TPST1: variants seen among roughly 807,000 people sequenced by gnomAD.
TPST1 encodes tyrosylprotein sulfotransferase 1.
In TPST1, 20 loss-of-function variants were observed where a neutral mutation model predicts 34.8. The observed-to-expected ratio is 0.57, with a 90% CI of 0.40 to 0.84. The LOEUF is 0.84. Ranked by LOEUF, TPST1 falls within the 40% of genes least tolerant of loss-of-function variation. The probability of loss-of-function intolerance (pLI) is 0.00; values close to 1 mark genes in which losing one functional copy is unlikely to be tolerated. For synonymous variants in TPST1, 152 were observed against 159.4 expected (o/e 0.95, Z 0.35); for missense variants, 353 against 455.5 (o/e 0.78, Z 2.05).
At chr7:66,237,850 C>T (rs188469014) in intron 1 of TPST1, among the ~76,000 whole-genome samples, 28 of 152,206 alleles carry the variant, frequency 1.8e-4, no homozygotes, top group Admixed American at 1.5e-3. Context: ...GTCTTGTTCC[C>T]GGACCAAACT....
chr7:66,331,086 C>T (rs907098264), intron 3 of TPST1, among the ~76,000 whole-genome samples: 3 of 152,110 alleles, frequency 2.0e-5, no homozygotes, highest in Admixed American at 6.6e-5. Flanking sequence ...TGACTGTTGG[C>T]AGGCCTCAGG....
intron 1 of TPST1, among the ~76,000 whole-genome samples, chr7:66,228,424 A>T (rs1789709030): frequency 6.6e-6 from 1 of 152,218 alleles, no homozygotes; most frequent in South Asian, 2.1e-4. Flanking sequence ...AGTTAAGTGT[A>T]ATTTAAAATA....
chr7:66,310,938 A>G (rs2116118452), intron 3 of TPST1, among the ~76,000 whole-genome samples: 1 of 151,906 alleles, frequency 6.6e-6, no homozygotes, highest in South Asian at 2.1e-4. Flanking sequence ...TGATCCTCCC[A>G]CCTTGGCCTC....
intron 3 of TPST1, among the ~76,000 whole-genome samples, chr7:66,305,803 C>A (rs960412537): frequency 2.0e-5 from 3 of 152,092 alleles, no homozygotes; most frequent in Non-Finnish European, 2.9e-5. Flanking sequence ...AGGGCTATTT[C>A]GATTTTCTTG....
chr7:66,229,562 T>G (rs989236216), intron 1 of TPST1, among the ~76,000 whole-genome samples: 22 of 152,192 alleles, frequency 1.4e-4, no homozygotes, highest in Admixed American at 1.4e-3. Context: ...ATTTCCAGAT[T>G]TTGGTGATTA....
rs563173172 is a variant in TPST1 at position 66,283,096 on chromosome 7, C to G, written c.846-3415C>G. 6.6e-5 allele frequency among the ~76,000 whole-genome samples: 10 copies of G among 152,160 alleles called. No homozygotes were observed. The South Asian group carries it at 1.2e-3, about 19-fold the overall frequency. ...CCAGCCTGGCCAATGTGGCAAAACCCCACTAAAAATACAAAAATTAACTGG... is the reference window on the plus strand; with the variant it reads ...CCAGCCTGGCCAATGTGGCAAAACCGCACTAAAAATACAAAAATTAACTGG... On this transcript the variant is annotated intron_variant, in intron 2 of 5. Coordinates refer to ENST00000304842, the MANE Select transcript of TPST1 (RefSeq NM_003596.4).
At chr7:66,260,120 A>C (rs1031798507) in intron 2 of TPST1, among the ~76,000 whole-genome samples, 1 of 152,184 alleles carries the variant, frequency 6.6e-6, no homozygotes, top group Non-Finnish European at 1.5e-5. Context: ...AATACAGCTT[A>C]AGTATCTCTT....
intron 2 of TPST1, among the ~76,000 whole-genome samples, chr7:66,243,146 G>GGTGTGTGTGT (rs150715860): frequency 6.7e-6 from 1 of 148,480 alleles, no homozygotes. Flanking sequence ...GATGACAAGG[G>GGTGTGTGTGT]GTGTGTGTGT....
intron 1 of TPST1, among the ~76,000 whole-genome samples, chr7:66,211,200 T>C (rs184826789): frequency 1.5e-3 from 230 of 152,212 alleles, no homozygotes; most frequent in African/African-American, 5.3e-3. Flanking sequence ...AATGGCGCGA[T>C]CTTGGCTCAC....
intron 1 of TPST1, among the ~76,000 whole-genome samples, chr7:66,234,340 C>G (rs1278163024): frequency 6.7e-6 from 1 of 149,418 alleles, no homozygotes; most frequent in Non-Finnish European, 1.5e-5. Flanking sequence ...TTTATCTTTT[C>G]CTAGTTAGAA....
At chr7:66,232,289 A>T (rs1177995946) in intron 1 of TPST1, among the ~76,000 whole-genome samples, 1 of 149,366 alleles carries the variant, frequency 6.7e-6, no homozygotes, top group Non-Finnish European at 1.5e-5. Flanking sequence ...TGTAGCCTCA[A>T]CCTCCCAGGC....
At chr7:66,354,030 A>G (rs1300214045) in intron 4 of TPST1, among the ~76,000 whole-genome samples, 1 of 152,206 alleles carries the variant, frequency 6.6e-6, no homozygotes, top group Non-Finnish European at 1.5e-5. Context: ...TATATTTACT[A>G]TTCATCCATT....
chr7:66,203,954 A>T (rs992304148), upstream of TPST1, among the ~76,000 whole-genome samples: 3 of 152,168 alleles, frequency 2.0e-5, no homozygotes, highest in Non-Finnish European at 4.4e-5. Flanking sequence ...AGGCAGGCAG[A>T]TCACTTGAGG....
intron 1 of TPST1, among the ~76,000 whole-genome samples, chr7:66,211,428 G>A (rs1048515340): frequency 1.3e-5 from 2 of 152,150 alleles, no homozygotes; most frequent in Non-Finnish European, 2.9e-5. Context: ...ACCACGCCCG[G>A]CTGGTCCATT....
intron 3 of TPST1, among the ~76,000 whole-genome samples, chr7:66,327,722 TAA>T (rs1178857668): frequency 1.2e-4 from 13 of 109,504 alleles, no homozygotes; most frequent in Admixed American, 3.8e-4. Context: ...GACCCTGTCT[TAA>T]AAAAAAAAAA....
intron 3 of TPST1, among the ~76,000 whole-genome samples, chr7:66,296,761 A>G (rs1444191329): frequency 6.8e-6 from 1 of 146,578 alleles, no homozygotes; most frequent in East Asian, 2.0e-4. Context: ...ATATTACCCA[A>G]TATTGAATGG....
rs1001887391 is a variant in TPST1, at chr7:66,205,896, C to G, written c.-102+374C>G. 1.3e-5 allele frequency: 2 copies of G among 152,504 alleles called. No homozygotes were observed. Among genetic ancestry groups the G allele is most frequent in the Non-Finnish European group, 2.9e-5 (2 of 68,296 alleles). 9.4% of individuals were successfully genotyped at this position (152,504 alleles called of 1,614,324 possible). On this transcript the variant is annotated intron_variant, in intron 1 of 5. Coordinates refer to ENST00000304842, the MANE Select transcript of TPST1 (RefSeq NM_003596.4). The surrounding 1 kb of genome is among the most constrained non-coding windows in gnomAD (Gnocchi z 5.0). ...GTCTACCCCGGCTGCGCTTCTTGAG[C>G]TCATCGCCCCATCATCCTACCCGTT...
At chr7:66,199,716 C>CT in the TPST1 span, among the ~76,000 whole-genome samples, 1 of 41,708 alleles carries the variant, frequency 2.4e-5, no homozygotes, top group Non-Finnish European at 5.0e-5. Flanking sequence ...CATTTGTGTC[C>CT]CTTTTTTTTT....
At chr7:66,260,646 G>A (rs1790469413) in intron 2 of TPST1, among the ~76,000 whole-genome samples, 1 of 152,194 alleles carries the variant, frequency 6.6e-6, no homozygotes, top group African/African-American at 2.4e-5. Flanking sequence ...GATATTTTTT[G>A]TTTGTTTTAT....
Sources: allele counts gnomAD v4.1 joint callset (sites outside exome capture counted in the v4.1 genomes callset), GRCh38; gene constraint gnomAD v4.1.1; non-coding constraint Gnocchi (gnomAD v3.1); transcripts MANE v1.5; gene names NCBI Gene and HGNC (gene_info 2026-07-23, HGNC 2026-07-21).